PTPN18: variants seen among roughly 807,000 people sequenced by gnomAD.
PTPN18 encodes the protein tyrosine-protein phosphatase non-receptor type 18.
PTPN18 carries 65 observed loss-of-function variants against 65.4 expected under a neutral mutation model. The ratio of observed to expected loss-of-function variants is 0.99; its 90% CI spans 0.81 to 1.22. PTPN18 has a LOEUF of 1.22. Ranked by LOEUF, PTPN18 falls within the 50% of genes most tolerant of loss-of-function variation. The probability of loss-of-function intolerance (pLI) is 0.00; values close to 1 mark genes in which losing one functional copy is unlikely to be tolerated. For missense variants in PTPN18, 616 were observed against 646.5 expected (o/e 0.95, Z 0.51); for synonymous variants, 255 against 267.8 (o/e 0.95, Z 0.47).
At position 130,374,560 on chromosome 2, in the gene PTPN18, C is replaced by T. The variant is rs749417000; in HGVS notation, c.*1336C>T. 13 of 460,544 alleles carry T rather than the reference C, an allele frequency of 2.8e-5. No homozygotes were observed. Among genetic ancestry groups the T allele is most frequent in the Non-Finnish European group, 5.9e-5 (13 of 220,792 alleles). 28.5% of individuals were successfully genotyped at this position (460,544 alleles called of 1,614,324 possible). A position where few individuals can be genotyped will look rare whatever the true frequency, so the allele number is the denominator to read the frequency against. On this transcript the variant is annotated 3_prime_UTR_variant, in exon 15 of 15. Transcript: ENST00000175756. The stretch of plus-strand genomic sequence containing the variant: ...TGTTAAAAGAAATAAAAGGAGGACA[C>T]GTCTCTGTGCACTGGTGTGGACAAA...
In PTPN18 at chr2:130,370,726, C is replaced by A. The variant is rs768076398; in HGVS notation, c.778C>A (p.Leu260Ile). Residue 260 changes from leucine (L) to isoleucine (I), a missense_variant, in exon 10 of 15, where the codon CTC becomes ATC. Physicochemically the swap from Leu to Ile is conservative, Grantham distance 5 (BLOSUM62 2). Transcript: ENST00000175756. ...LTQMIPPDFSLFDVVLKMRKQ... is the reference protein window; with the variant it reads ...LTQMIPPDFSIFDVVLKMRKQ... ...CCAGATGATCCCACCTGACTTCAGTCTCTTTGATGTGGTCCTTAAGATGAG... is the reference window on the plus strand; with the variant it reads ...CCAGATGATCCCACCTGACTTCAGTATCTTTGATGTGGTCCTTAAGATGAG... The A allele has an allele frequency of 6.2e-7, 1 of 1,614,224 alleles. No individual in the cohort carries two copies. The highest frequency in any genetic ancestry group is 1.1e-5 in the South Asian group (1 of 91,082).
At chr2:130,367,892 C>G (rs376670012) in intron 5 of PTPN18, among the ~76,000 whole-genome samples, 2 of 152,100 alleles carry the variant, frequency 1.3e-5, no homozygotes, top group African/African-American at 4.8e-5. Context: ...CTGGACTCCA[C>G]GTGCACATAC....
chr2:130,370,686 C>T lies in PTPN18; in HGVS notation c.757-19C>T. 1 of 1,614,102 alleles carries T rather than the reference C, an allele frequency of 6.2e-7. No homozygotes were observed. The highest frequency in any genetic ancestry group is 8.5e-7 in the Non-Finnish European group (1 of 1,179,930). ...CATGACCACGTGTCCTGCTCAAGTG[C>T]CTTGTCTGTCTGCCCCAGATGATCC... is the stretch of plus-strand genomic sequence containing the variant. On this transcript the variant is annotated intron_variant, in intron 9 of 14. Transcript: ENST00000175756.
chr2:130,369,336 A>T, intron 6 of PTPN18, 135 bp downstream of exon 6: 1 of 785,056 alleles, frequency 1.3e-6, no homozygotes, highest in Non-Finnish European at 2.1e-6. Flanking sequence ...AAATAGTTAG[A>T]ACTTACTATA....
Position 130,372,944 on chromosome 2 carries a change from C to T in PTPN18, c.1312C>T (p.Leu438=), listed in dbSNP as rs757838583. The change falls in exon 14 of 15, where the codon CTA becomes TTA. Residue 438 remains leucine, a synonymous_variant. Transcript: ENST00000175756. ...DVAGGAQTGG[L]GFNLRIGRPK... is the part of the protein sequence containing the mutation. ...GGCGGGTGGAGCTCAGACCGGTGGG[C>T]TAGGTAAGTCAGGTAGAGCCTGGGT... 9.9e-6 allele frequency: 16 copies of T among 1,613,870 alleles called. No individual in the cohort carries two copies. In the South Asian group the frequency reaches 1.3e-4, roughly 13 times the overall value.
At chr2:130,362,926 T>C (rs1680266904) in intron 5 of PTPN18, among the ~76,000 whole-genome samples, 1 of 151,896 alleles carries the variant, frequency 6.6e-6, no homozygotes, top group Non-Finnish European at 1.5e-5. Context: ...TCCACGCCAT[T>C]CTCCTGCCTC....
At chr2:130,364,534 C>T (rs570474328) in intron 5 of PTPN18, among the ~76,000 whole-genome samples, 73 of 152,196 alleles carry the variant, frequency 4.8e-4, no homozygotes, top group African/African-American at 1.5e-3. Flanking sequence ...CAGTGGCTCA[C>T]GCCTGTAATC....
intron 8 of PTPN18, 110 bp downstream of exon 8, chr2:130,370,300 C>A (rs530803310): frequency 6.5e-5 from 95 of 1,471,354 alleles, no homozygotes; most frequent in Non-Finnish European, 8.1e-5. Flanking sequence ...TTTTGAGAAC[C>A]CTTGCTCACC....
chr2:130,360,289 G>T (rs1424010590), intron 5 of PTPN18, among the ~76,000 whole-genome samples: 1 of 152,184 alleles, frequency 6.6e-6, no homozygotes, highest in Non-Finnish European at 1.5e-5. Context: ...AGATCCACAA[G>T]GCCAGGGATT....
At chr2:130,370,371 C>A (rs1558846767) in intron 8 of PTPN18, 181 bp downstream of exon 8, 2 of 1,104,510 alleles carry the variant, frequency 1.8e-6, no homozygotes, top group Non-Finnish European at 2.6e-6. Context: ...AATAAGCACA[C>A]AGCTCTTGCT....
In PTPN18 at chr2:130,372,326, G is replaced by A; in HGVS notation, c.1083G>A (p.Gly361=). The change falls in exon 13 of 15, where the codon GGG becomes GGA. Residue 361 remains glycine, a synonymous_variant. Transcript: ENST00000175756. ...ADTYAVVQKR[G]APAGAGSGTQ... is the part of the protein sequence containing the mutation. ...CCTACGCGGTGGTGCAGAAGCGCGG[G>A]GCTCCAGCGGGCGCCGGGAGTGGGA... 1 of 1,442,336 alleles carries A rather than the reference G, an allele frequency of 6.9e-7. No individual in the cohort carries two copies. Among genetic ancestry groups the A allele is most frequent in the Non-Finnish European group, 9.0e-7 (1 of 1,106,788 alleles). 89.3% of individuals were successfully genotyped at this position (1,442,336 alleles called of 1,614,324 possible). A position where few individuals can be genotyped will look rare whatever the true frequency, so the allele number is the denominator to read the frequency against.
At position 130,358,949 on chromosome 2, in the gene PTPN18, A is replaced by G. The variant is rs1680091286; in HGVS notation, c.176A>G (p.Lys59Arg). The change falls in exon 2 of 15, where the codon AAG (lysine) becomes AGG (arginine). Residue 59 changes from lysine (K) to arginine (R), a missense_variant. Physicochemically the swap from Lys to Arg is conservative, Grantham distance 26. Coordinates refer to ENST00000175756, the MANE Select transcript of PTPN18 (RefSeq NM_014369.4). ...VAGSRPENVR[K>R]NRYKDVLPYD... is the part of the protein sequence containing the mutation. ...GGCAGTCGGCCAGAGAACGTGAGGAAGAACCGCTACAAAGACGTGCTGCCT... is the reference window on the plus strand; with the variant it reads ...GGCAGTCGGCCAGAGAACGTGAGGAGGAACCGCTACAAAGACGTGCTGCCT... 2 of 1,614,204 alleles carry G rather than the reference A, an allele frequency of 1.2e-6. No homozygotes were observed. The highest frequency in any genetic ancestry group is 1.3e-5 in the African/African-American group (1 of 75,066).
chr2:130,370,942 C>G lies in PTPN18; in HGVS notation c.902C>G (p.Pro301Arg). 6 of 1,614,118 alleles carry G rather than the reference C, an allele frequency of 3.7e-6. No homozygotes were observed. The highest frequency in any genetic ancestry group is 5.1e-6 in the Non-Finnish European group (6 of 1,179,994). ...MFCSTLQNAS[P>R]HYQNIKENCA... Reference sequence around the variant, plus strand: ...TGCTCCACACTCCAGAATGCCAGCCCCCACTACCAGAACATCAAAGAGGTA... The same window carrying G: ...TGCTCCACACTCCAGAATGCCAGCCGCCACTACCAGAACATCAAAGAGGTA... The change falls in exon 11 of 15, where the codon CCC (proline) becomes CGC (arginine). Residue 301 changes from proline (P) to arginine (R), a missense_variant. Physicochemically the swap from Pro to Arg is moderately radical, Grantham distance 103. Transcript: ENST00000175756.
intron 2 of PTPN18, 67 bp from the exon 3 acceptor site, chr2:130,359,166 G>T: frequency 6.3e-7 from 1 of 1,584,060 alleles, no homozygotes; most frequent in Non-Finnish European, 8.7e-7. Context: ...TTCAGCTAGG[G>T]GGCTGTCAGA....
chr2:130,372,106 A>G lies in PTPN18; in HGVS notation c.1014-151A>G, dbSNP rs2271784. 9.3e-3 allele frequency: 6,183 copies of G among 666,892 alleles called. 296 individuals are homozygous for G. In the East Asian group the frequency reaches 0.13, roughly 14 times the overall value. The allele number at this position is 666,892 out of a possible 1,614,324, so 41.3% of individuals were successfully genotyped here. A position where few individuals can be genotyped will look rare whatever the true frequency, so the allele number is the denominator to read the frequency against. ...ACTTGCAGGGCGCTAGGGACACAGA[A>G]GCGAGGCCTCCAACCCAAGGAGCCC... On this transcript the variant is annotated intron_variant, in intron 12 of 14. Coordinates refer to ENST00000175756, the MANE Select transcript of PTPN18 (RefSeq NM_014369.4).
intron 4 of PTPN18, 27 bp downstream of exon 4, chr2:130,359,519 G>T (rs1680123784): frequency 6.2e-7 from 1 of 1,613,250 alleles, no homozygotes; most frequent in Admixed American, 1.7e-5. Context: ...GCGGCACAAT[G>T]GTGGGGTCAA....
Position 130,371,202 on chromosome 2 carries a change from T to A in PTPN18, c.928T>A (p.Cys310Ser). 6.2e-7 allele frequency: 1 copy of A among 1,606,300 alleles called. No homozygotes were observed. ...SPHYQNIKEN[C>S]APLYDDALFL... ...CTCCCCTCCTGTTTTTCTTCAGAAT[T>A]GTGCCCCACTCTACGACGATGCCCT... The change falls in exon 12 of 15, where the codon TGT becomes AGT. Residue 310 changes from cysteine to serine, a missense_variant. Around this residue, in one of 3 missense-constraint regions of PTPN18, gnomAD observed 368 missense variants for 386.7 expected, o/e 0.95. Transcript: ENST00000175756.
rs760666782 is a variant in PTPN18 at position 130,359,287 on chromosome 2, A to G, written c.257A>G (p.Tyr86Cys). The G allele has an allele frequency of 6.2e-7, 1 of 1,614,218 alleles. No individual in the cohort carries two copies. Among genetic ancestry groups the G allele is most frequent in the Non-Finnish European group, 8.5e-7 (1 of 1,180,036 alleles). ...SLLQEEGHSD[Y>C]INGNFIRGVD... ...CTCCAGGAAGAGGGACACAGCGACT[A>G]CATTAATGGCAACTTCATCCGGGTG... is the stretch of plus-strand genomic sequence containing the variant. Residue 86 changes from tyrosine (Y) to cysteine (C), a missense_variant, in exon 3 of 15, where the codon TAC becomes TGC. Physicochemically the swap from Tyr to Cys is radical, Grantham distance 194. Coordinates refer to ENST00000175756, the MANE Select transcript of PTPN18 (RefSeq NM_014369.4).
intron 6 of PTPN18, 106 bp downstream of exon 6, chr2:130,369,307 C>A: frequency 9.5e-7 from 1 of 1,053,426 alleles, no homozygotes; most frequent in Non-Finnish European, 1.4e-6. Context: ...CTGCAGGAAA[C>A]CCTCTGGTGT....
Sources: gnomAD v4.1 joint callset for allele counts (sites outside exome capture counted in the v4.1 genomes callset) on GRCh38, gnomAD v4.1.1 for gene constraint, gnomAD v4.1.1 regional missense constraint, MANE v1.5 for transcripts, NCBI Gene and HGNC (gene_info 2026-07-23, HGNC 2026-07-21) for gene names.